Variants in ARID4B observed in about 807,000 individuals in gnomAD.
ARID4B encodes AT-rich interactive domain-containing protein 4B.
A neutral mutation model predicts 147.5 loss-of-function variants in ARID4B; 26 were observed. That is an observed-to-expected ratio of 0.18 (90% confidence interval 0.13 to 0.24). The LOEUF is 0.24. ARID4B is among the 10% of genes least tolerant of loss of function. The pLI is 1.00. For synonymous variants in ARID4B, 512 were observed against 507.9 expected, an observed-to-expected ratio of 1.01 and a Z score of -0.11; for missense variants, 1,179 against 1,511.5, an observed-to-expected ratio of 0.78 and a Z score of 3.65.
At position 235,181,706 on chromosome 1, in the gene ARID4B, C is replaced by T; in HGVS notation, c.3213G>A (p.Val1071=). The T allele has an allele frequency of 6.2e-7, 1 of 1,614,148 alleles. No homozygotes were observed. Among genetic ancestry groups the T allele is most frequent in the Non-Finnish European group, 8.5e-7 (1 of 1,180,012 alleles). Residue 1071 remains valine (V), a synonymous_variant, in exon 20 of 24, where the codon GTG becomes GTA. Coordinates refer to ENST00000264183, the MANE Select transcript of ARID4B (RefSeq NM_016374.6). ...IKSETDSTIE[V]DSVAGELQDL... is the part of the protein sequence containing the mutation. The stretch of plus-strand genomic sequence containing the variant: ...CTTGGAGCTCCCCAGCAACACTATC[C>T]ACCTCAATTGTGCTATCAGTTTCAC...
At chr1:235,237,107 A>G (rs1281066449) in intron 8 of ARID4B, among the ~76,000 whole-genome samples, 1 of 150,906 alleles carries the variant, frequency 6.6e-6, no homozygotes, top group Non-Finnish European at 1.5e-5. Flanking sequence ...TCCTGACCTC[A>G]GGTGATCCGC....
chr1:235,318,152 T>G (rs946600404), intron 2 of ARID4B, among the ~76,000 whole-genome samples: 8 of 150,594 alleles, frequency 5.3e-5, no homozygotes, highest in Admixed American at 5.3e-4. Flanking sequence ...GAGCATAGTA[T>G]TAACACTTGC....
intron 16 of ARID4B, among the ~76,000 whole-genome samples, chr1:235,218,614 T>C (rs1667244660): frequency 6.6e-6 from 1 of 152,158 alleles, no homozygotes; most frequent in African/African-American, 2.4e-5. Context: ...CATGTTTGTA[T>C]GGTGCCACCA....
intron 2 of ARID4B, among the ~76,000 whole-genome samples, chr1:235,305,509 C>G (rs1375098256): frequency 6.6e-6 from 1 of 152,084 alleles, no homozygotes; most frequent in East Asian, 1.9e-4. Context: ...TTAGTAGGAG[C>G]TCTGGTTTGA....
chr1:235,268,524 G>GATTT (rs1277688269), intron 2 of ARID4B, among the ~76,000 whole-genome samples: 1 of 152,012 alleles, frequency 6.6e-6, no homozygotes, highest in Non-Finnish European at 1.5e-5. Flanking sequence ...CCTACATCTT[G>GATTT]ATTTATTTAT....
intron 2 of ARID4B, among the ~76,000 whole-genome samples, chr1:235,286,792 T>A (rs1672002755): frequency 6.6e-6 from 1 of 152,196 alleles, no homozygotes; most frequent in African/African-American, 2.4e-5. Context: ...GGCTGCAATG[T>A]GAAAAACAGA....
At chr1:235,179,548 A>AAC (rs1664141481) in intron 20 of ARID4B, among the ~76,000 whole-genome samples, 3 of 150,006 alleles carry the variant, frequency 2.0e-5, no homozygotes, top group African/African-American at 7.3e-5. Context: ...AAAAAAAAAA[A>AAC]AAAAACCCAA....
intron 17 of ARID4B, among the ~76,000 whole-genome samples, chr1:235,208,363 A>G (rs2102995170): frequency 6.6e-6 from 1 of 152,340 alleles, no homozygotes; most frequent in South Asian, 2.1e-4. Flanking sequence ...TCTATAAAAT[A>G]TTAACATCAC....
chr1:235,245,283 C>T (rs189243472), intron 7 of ARID4B, among the ~76,000 whole-genome samples: 16 of 152,186 alleles, frequency 1.1e-4, no homozygotes, highest in East Asian at 1.9e-4. Context: ...ACAAAACGGA[C>T]GCCTCAACTA....
intron 4 of ARID4B, among the ~76,000 whole-genome samples, chr1:235,256,424 A>G (rs1019088597): frequency 3.3e-4 from 50 of 152,142 alleles, no homozygotes; most frequent in African/African-American, 1.2e-3. Context: ...CAGGAAGGAT[A>G]GGGACAATTT....
Position 235,169,268 on chromosome 1 carries a change from G to A in ARID4B, c.3812-616C>T, listed in dbSNP as rs539444235. Among the ~76,000 whole-genome samples the A allele has an allele frequency of 1.9e-4, 29 of 150,442 alleles. 2 individuals are homozygous for A. The Admixed American group carries it at 1.9e-3, about 10-fold the overall frequency. The stretch of plus-strand genomic sequence containing the variant: ...TGTTTGTTTTTTGAGACAAAGTCTC[G>A]CTCTGTCTGTCGCCCAGGCTGGAGT... On this transcript the variant is annotated intron_variant, in intron 23 of 23. Coordinates refer to ENST00000264183, the MANE Select transcript of ARID4B (RefSeq NM_016374.6).
chr1:235,199,996 G>C (rs555628185), intron 17 of ARID4B, among the ~76,000 whole-genome samples: 1 of 120,558 alleles, frequency 8.3e-6, no homozygotes, highest in Non-Finnish European at 1.7e-5. Flanking sequence ...TATTTTCAAA[G>C]AATAGGGAAA....
chr1:235,231,025 A>G, intron 10 of ARID4B, 88 bp downstream of exon 10: 2 of 936,200 alleles, frequency 2.1e-6, no homozygotes, highest in Non-Finnish European at 3.3e-6. Context: ...TTTAAAGAAA[A>G]ATTTTAAAGA....
intron 2 of ARID4B, among the ~76,000 whole-genome samples, chr1:235,320,883 A>G (rs1558313277): frequency 6.6e-6 from 1 of 152,162 alleles, no homozygotes; most frequent in Non-Finnish European, 1.5e-5. Context: ...TCATCTCGAA[A>G]AGGCCCTCCA....
chr1:235,299,486 T>C (rs781112256), intron 2 of ARID4B, among the ~76,000 whole-genome samples: 1 of 152,222 alleles, frequency 6.6e-6, no homozygotes, highest in Non-Finnish European at 1.5e-5. Flanking sequence ...CCACTGTGCC[T>C]GGCCTAAACT....
intron 9 of ARID4B, among the ~76,000 whole-genome samples, chr1:235,233,973 G>A (rs1407186598): frequency 6.6e-6 from 1 of 152,176 alleles, no homozygotes; most frequent in Admixed American, 6.5e-5. Context: ...CAGCTACTCA[G>A]GAGGCTGAGG....
chr1:235,207,674 A>G (rs1458891508), intron 17 of ARID4B, among the ~76,000 whole-genome samples: 1 of 152,262 alleles, frequency 6.6e-6, no homozygotes, highest in South Asian at 2.1e-4. Context: ...CAAGCACAGT[A>G]TTTGGCACAT....
rs560813038 is a variant in ARID4B at position 235,188,327 on chromosome 1, A to G, written c.2126-5534T>C. Among the ~76,000 whole-genome samples, 4 of 152,224 alleles carry G rather than the reference A, an allele frequency of 2.6e-5. No homozygotes were observed. In the South Asian group the frequency reaches 8.3e-4, roughly 32 times the overall value. On this transcript the variant is annotated intron_variant, in intron 19 of 23. Transcript: ENST00000264183. ...TAAACCTCATACCAGCAGTGAGGAA[A>G]GCCAAAAACCAACCCAGTTTACCAT...
intron 7 of ARID4B, among the ~76,000 whole-genome samples, chr1:235,244,799 G>A (rs906718853): frequency 6.6e-6 from 1 of 152,194 alleles, no homozygotes; most frequent in African/African-American, 2.4e-5. Context: ...AGTAATGGAA[G>A]AGGAAATGAA....
Sources: gnomAD v4.1 joint callset for allele counts (sites outside exome capture counted in the v4.1 genomes callset) on GRCh38, gnomAD v4.1.1 for gene constraint, MANE v1.5 for transcripts, NCBI Gene and HGNC (gene_info 2026-07-23, HGNC 2026-07-21) for gene names.